The following ATG7 variants were observed in gnomAD, a reference collection of about 807,000 sequenced individuals.
The protein encoded by ATG7 is ubiquitin-like modifier-activating enzyme ATG7.
A neutral mutation model predicts 82.4 loss-of-function variants in ATG7; 70 were observed. The observed-to-expected ratio is 0.85, with a 90% confidence interval of 0.70 to 1.04. ATG7 has a LOEUF of 1.04. Ranked by LOEUF, ATG7 falls within the 50% of genes least tolerant of loss-of-function variation. ATG7 has a pLI of 0.00. For synonymous variants in ATG7, 287 were observed against 313.0 expected (o/e 0.92, Z 0.88); for missense variants, 792 against 864.3 (o/e 0.92, Z 1.05).
chr3:11,352,600 A>G (rs930440993), intron 14 of ATG7, among the ~76,000 whole-genome samples: 24 of 152,336 alleles, frequency 1.6e-4, no homozygotes, highest in African/African-American at 4.6e-4. Flanking sequence ...CATTCAACAG[A>G]TACTTATTCA....
chr3:11,377,211 T>C (rs2077486548), intron 18 of ATG7, among the ~76,000 whole-genome samples: 1 of 152,238 alleles, frequency 6.6e-6, no homozygotes, highest in African/African-American at 2.4e-5. Flanking sequence ...AAGGGTTTCC[T>C]GTCTTGAATT....
At chr3:11,334,331 G>A (rs1029461116) in intron 11 of ATG7, among the ~76,000 whole-genome samples, 5 of 151,764 alleles carry the variant, frequency 3.3e-5, no homozygotes, top group African/African-American at 7.3e-5. Context: ...TGCAACCTCC[G>A]CCTCCCAGGT....
the ATG7 span, among the ~76,000 whole-genome samples, chr3:11,571,156 A>T: frequency 6.6e-6 from 1 of 152,230 alleles, no homozygotes; most frequent in African/African-American, 2.4e-5. Flanking sequence ...CCAAAGACAG[A>T]GATGACCCTG....
At chr3:11,382,405 C>G (rs1207326452) in intron 19 of ATG7, among the ~76,000 whole-genome samples, 1 of 152,210 alleles carries the variant, frequency 6.6e-6, no homozygotes, top group Non-Finnish European at 1.5e-5. Flanking sequence ...ATCCATAAAT[C>G]ATTTCTTATC....
chr3:11,395,620 A>C (rs35169598), intron 19 of ATG7, among the ~76,000 whole-genome samples: 6 of 152,176 alleles, frequency 3.9e-5, no homozygotes, highest in Admixed American at 1.3e-4. Context: ...GCATCCCACA[A>C]TTTTAAACCC....
At chr3:11,492,353 G>C (rs187567129) in intron 20 of ATG7, among the ~76,000 whole-genome samples, 1 of 152,110 alleles carries the variant, frequency 6.6e-6, no homozygotes, top group Admixed American at 6.5e-5. Flanking sequence ...ACTGTCCTGC[G>C]CCCACTGTCT....
chr3:11,430,279 G>C (rs2152950551), intron 20 of ATG7, among the ~76,000 whole-genome samples: 1 of 152,036 alleles, frequency 6.6e-6, no homozygotes, highest in Middle Eastern at 3.4e-3. Flanking sequence ...CTATTACTTT[G>C]AAAAATGTGT....
intron 20 of ATG7, among the ~76,000 whole-genome samples, chr3:11,455,608 G>A (rs2085626156): frequency 6.6e-6 from 1 of 152,154 alleles, no homozygotes; most frequent in East Asian, 1.9e-4. Context: ...TCCATGTATT[G>A]TTCCTTGTTG....
downstream of ATG7, among the ~76,000 whole-genome samples, chr3:11,560,011 C>T (rs935626038): frequency 2.0e-5 from 3 of 152,132 alleles, no homozygotes; most frequent in Non-Finnish European, 4.4e-5. Context: ...GCACACATCC[C>T]ACCCCAGCCC....
At chr3:11,347,536 G>A (rs1180655116) in intron 13 of ATG7, among the ~76,000 whole-genome samples, 1 of 152,122 alleles carries the variant, frequency 6.6e-6, no homozygotes, top group Non-Finnish European at 1.5e-5. Context: ...ACATTTAGGG[G>A]CTATTGCTAA....
chr3:11,466,718 T>G (rs767617183), intron 20 of ATG7, among the ~76,000 whole-genome samples: 20 of 152,238 alleles, frequency 1.3e-4, no homozygotes, highest in Non-Finnish European at 2.2e-4. Context: ...TTATGTTCAA[T>G]ATCATCTATA....
intron 20 of ATG7, among the ~76,000 whole-genome samples, chr3:11,459,575 C>T (rs1385271185): frequency 3.3e-5 from 5 of 151,802 alleles, no homozygotes; most frequent in South Asian, 4.2e-4. Context: ...ATTGTAACTT[C>T]ATGGTTCCTG....
chr3:11,480,152 C>T lies in ATG7; in HGVS notation c.2079+53226C>T, dbSNP rs187008737. On this transcript the variant is annotated intron_variant, in intron 20 of 20. Coordinates refer to ENST00000693202, the MANE Select transcript of ATG7 (RefSeq NM_001349232.2). ...TTCACTGTGTTAGCCAGCATGGTCT[C>T]GATCTCCTGACCTCGAGATCCACCT... 7.6e-4 allele frequency among the ~76,000 whole-genome samples: 116 copies of T among 152,180 alleles called. No homozygotes were observed. The East Asian group carries it at 9.2e-3, about 12-fold the overall frequency.
At chr3:11,416,995 A>G (rs988836362) in intron 19 of ATG7, among the ~76,000 whole-genome samples, 3 of 152,088 alleles carry the variant, frequency 2.0e-5, no homozygotes, top group Admixed American at 6.6e-5. Context: ...TATTCCAATT[A>G]TCTTTCTGTT....
intron 1 of ATG7, among the ~76,000 whole-genome samples, chr3:11,277,720 C>T (rs1000170551): frequency 1.3e-5 from 2 of 152,140 alleles, no homozygotes; most frequent in South Asian, 2.1e-4. Flanking sequence ...TGATAAACAT[C>T]TTAAACAACA....
At chr3:11,483,117 T>C (rs1238353568) in intron 20 of ATG7, among the ~76,000 whole-genome samples, 2 of 152,136 alleles carry the variant, frequency 1.3e-5, no homozygotes, top group Non-Finnish European at 2.9e-5. Context: ...GAAACCAAAG[T>C]AGTGGTAAAT....
At chr3:11,511,218 C>G (rs1433594587) in intron 20 of ATG7, among the ~76,000 whole-genome samples, 1 of 152,138 alleles carries the variant, frequency 6.6e-6, no homozygotes, top group East Asian at 1.9e-4. Context: ...TGCTTTTATT[C>G]TCTTATCTGG....
downstream of ATG7, among the ~76,000 whole-genome samples, chr3:11,562,589 G>A (rs987860243): frequency 6.6e-6 from 1 of 152,258 alleles, no homozygotes; most frequent in African/African-American, 2.4e-5. Context: ...CAACGTGGCT[G>A]CTTGGTGTCC....
intron 17 of ATG7, 52 bp downstream of exon 17, chr3:11,362,980 T>G (rs2076375955): frequency 8.2e-6 from 12 of 1,458,672 alleles, no homozygotes; most frequent in Admixed American, 1.9e-5. Flanking sequence ...TGTAGGCAGT[T>G]GTTCATCAGT....
Sources: gnomAD v4.1 joint callset for allele counts (sites outside exome capture counted in the v4.1 genomes callset) on GRCh38, gnomAD v4.1.1 for gene constraint, MANE v1.5 for transcripts, NCBI Gene and HGNC (gene_info 2026-07-23, HGNC 2026-07-21) for gene names.